The following FAM13B variants were observed in gnomAD, a reference collection of about 807,000 sequenced individuals.
FAM13B encodes family with sequence similarity 13 member B.
FAM13B carries 60 observed loss-of-function variants against 117.3 expected under a neutral mutation model. The ratio of observed to expected loss-of-function variants is 0.51; its 90% CI spans 0.42 to 0.63. The LOEUF is 0.63. Among genes scored for constraint, FAM13B ranks in the 30% least tolerant of loss-of-function variants. The pLI, the probability that FAM13B is intolerant of heterozygous loss-of-function variation, is 0.00. For synonymous variants in FAM13B, 332 were observed against 356.1 expected (o/e 0.93, Z 0.76); for missense variants, 972 against 1,091.9 (o/e 0.89, Z 1.55).
chr5:137,994,699 CAAT>C (rs1237407519), intron 7 of FAM13B, among the ~76,000 whole-genome samples: 17 of 152,178 alleles, frequency 1.1e-4, no homozygotes, highest in Admixed American at 1.1e-3. Flanking sequence ...GAAAGACAAA[CAAT>C]AAATCACAGG....
chr5:137,977,982 A>C (rs1418613382), intron 10 of FAM13B, among the ~76,000 whole-genome samples: 1 of 152,220 alleles, frequency 6.6e-6, no homozygotes, highest in East Asian at 1.9e-4. Flanking sequence ...ACTATGTGCC[A>C]CACACACATG....
rs201363195 is a variant in FAM13B at position 138,025,322 on chromosome 5, T to G, written c.-202-4125A>C. ...ATATATATATATATGTATTTTTTTT[T>G]TTTTTTTTTTTGAGTTGAGGTCTCA... is the stretch of plus-strand genomic sequence containing the variant. On this transcript the variant is annotated intron_variant, in intron 1 of 23. Transcript: ENST00000689681. 1.6e-3 allele frequency among the ~76,000 whole-genome samples: 215 copies of G among 137,886 alleles called. 6 individuals carry two copies. In the East Asian group the frequency reaches 0.03, roughly 20 times the overall value. 90.5% of individuals were successfully genotyped at this position (137,886 alleles called of 152,430 possible). A position where few individuals can be genotyped will look rare whatever the true frequency, so the allele number is the denominator to read the frequency against.
intron 10 of FAM13B, among the ~76,000 whole-genome samples, chr5:137,971,017 C>A (rs964841031): frequency 2.3e-4 from 35 of 151,830 alleles, no homozygotes; most frequent in African/African-American, 8.2e-4. Context: ...TAATGGGAGA[C>A]TTTAACACCC....
At chr5:137,996,269 G>A (rs1779836281) in intron 7 of FAM13B, among the ~76,000 whole-genome samples, 1 of 152,054 alleles carries the variant, frequency 6.6e-6, no homozygotes, top group African/African-American at 2.4e-5. Flanking sequence ...CCGAACAGCT[G>A]GGACTACAGG....
chr5:137,997,465 A>G (rs894573619), intron 7 of FAM13B, among the ~76,000 whole-genome samples: 2 of 150,832 alleles, frequency 1.3e-5, no homozygotes, highest in African/African-American at 4.9e-5. Flanking sequence ...GCGAAACTCC[A>G]TCTCAAAAAA....
rs376494115 is a variant in FAM13B, at chr5:137,962,491, T to C, written c.1180-22A>G. 3 of 1,605,954 alleles carry C rather than the reference T, an allele frequency of 1.9e-6. No homozygotes were observed. In the South Asian group the frequency reaches 3.4e-5, roughly 18 times the overall value. Reference sequence around the variant, plus strand: ...CAGACTGACAAAAAGAACACTACCATGTATTAATGGAGCTCCCAATACTCA... The same window carrying C: ...CAGACTGACAAAAAGAACACTACCACGTATTAATGGAGCTCCCAATACTCA... On this transcript the variant is annotated intron_variant, in intron 10 of 23. Transcript: ENST00000689681.
chr5:137,974,443 A>G (rs1252391584), intron 10 of FAM13B, among the ~76,000 whole-genome samples: 3 of 110,068 alleles, frequency 2.7e-5, no homozygotes, highest in Non-Finnish European at 5.1e-5. Context: ...GGAACATCAC[A>G]CTCTGGAGAC....
At chr5:138,008,441 C>T (rs575720109) in intron 6 of FAM13B, among the ~76,000 whole-genome samples, 1 of 152,006 alleles carries the variant, frequency 6.6e-6, no homozygotes, top group South Asian at 2.1e-4. Context: ...GATTTGGTTT[C>T]GAAATTAAAT....
intron 11 of FAM13B, among the ~76,000 whole-genome samples, chr5:137,960,914 G>C (rs988650581): frequency 6.6e-6 from 1 of 152,076 alleles, no homozygotes; most frequent in Non-Finnish European, 1.5e-5. Context: ...TGCCTACTGG[G>C]GGAAAGTTCT....
At chr5:137,968,219 C>CAAAAA (rs61341338) in intron 10 of FAM13B, among the ~76,000 whole-genome samples, 1 of 121,312 alleles carries the variant, frequency 8.2e-6, no homozygotes, top group Non-Finnish European at 1.7e-5. Flanking sequence ...AAGACTGTCT[C>CAAAAA]AAAAAAAAAA....
chr5:137,947,028 A>G (rs1561732142), intron 18 of FAM13B, among the ~76,000 whole-genome samples: 1 of 152,216 alleles, frequency 6.6e-6, no homozygotes, highest in Non-Finnish European at 1.5e-5. Context: ...AATGCTTCCC[A>G]AATTCATTTG....
At chr5:138,020,835 GA>G in intron 2 of FAM13B, 195 bp downstream of exon 2, 1 of 303,958 alleles carries the variant, frequency 3.3e-6, no homozygotes, top group Non-Finnish European at 5.9e-6. Context: ...CAACTTAAAA[GA>G]AAAAATTAAC....
Position 138,019,148 on chromosome 5 carries a change from T to G in FAM13B, c.-35-2A>C, listed in dbSNP as rs770302851. 1 of 1,521,058 alleles carries G rather than the reference T, an allele frequency of 6.6e-7. No homozygotes were observed. The highest frequency in any genetic ancestry group is 8.8e-7 in the Non-Finnish European group (1 of 1,141,606). 94.2% of individuals were successfully genotyped at this position (1,521,058 alleles called of 1,614,324 possible). ...AGCCAGAAATCAAAGCTGTCTTTTC[T>G]GCCAAATGAAAGACAAAAAAAAAAG... On this transcript the variant is annotated splice_acceptor_variant, in intron 2 of 23. Coordinates refer to ENST00000689681, the MANE Select transcript of FAM13B (RefSeq NM_001385994.1). LOFTEE classifies it low-confidence loss of function (5UTR_SPLICE).
intron 20 of FAM13B, among the ~76,000 whole-genome samples, chr5:137,944,786 A>G (rs1398357908): frequency 1.3e-5 from 2 of 151,034 alleles, no homozygotes; most frequent in Non-Finnish European, 3.0e-5. Context: ...AAACAAAATC[A>G]TGTCCTTTGG....
At chr5:137,940,916 T>A (rs1019005327) in intron 23 of FAM13B, among the ~76,000 whole-genome samples, 23 of 152,202 alleles carry the variant, frequency 1.5e-4, no homozygotes, top group Non-Finnish European at 2.9e-4. Flanking sequence ...AATTTATTTA[T>A]TTATTTTGAG....
intron 18 of FAM13B, among the ~76,000 whole-genome samples, chr5:137,948,445 A>G (rs1232589978): frequency 6.6e-6 from 1 of 152,060 alleles, no homozygotes; most frequent in Non-Finnish European, 1.5e-5. Context: ...TCACTCTGTC[A>G]TCCAGGCTGG....
intron 1 of FAM13B, among the ~76,000 whole-genome samples, chr5:138,049,987 C>T (rs1465591542): frequency 1.3e-5 from 2 of 152,026 alleles, no homozygotes; most frequent in Non-Finnish European, 2.9e-5. Flanking sequence ...TAAATTTAAA[C>T]ATTAGCCCGG....
intron 10 of FAM13B, among the ~76,000 whole-genome samples, chr5:137,968,623 G>C (rs894191305): frequency 2.6e-5 from 4 of 152,130 alleles, no homozygotes; most frequent in Non-Finnish European, 5.9e-5. Context: ...GGCCGAATAG[G>C]AACGGCTCTG....
At chr5:137,986,197 C>T (rs1395247345) in intron 9 of FAM13B, among the ~76,000 whole-genome samples, 1 of 152,160 alleles carries the variant, frequency 6.6e-6, no homozygotes, top group Admixed American at 6.5e-5. Context: ...GCTGCACTGG[C>T]TGGCAGTGCC....
Sources: gnomAD v4.1 joint callset for allele counts (sites outside exome capture counted in the v4.1 genomes callset) on GRCh38, gnomAD v4.1.1 for gene constraint, MANE v1.5 for transcripts, NCBI Gene and HGNC (gene_info 2026-07-23, HGNC 2026-07-21) for gene names.